ZBTB48: variants seen among roughly 807,000 people sequenced by gnomAD.
ZBTB48 encodes the protein zinc finger and BTB domain-containing protein 48.
Under a neutral mutation model 64.5 loss-of-function variants are expected in ZBTB48, and 35 were observed. That is an observed-to-expected ratio of 0.54 (90% CI 0.41 to 0.72). The LOEUF is 0.72. Ranked by LOEUF, ZBTB48 falls within the 30% of genes least tolerant of loss-of-function variation. ZBTB48 has a pLI of 0.00. For missense variants in ZBTB48, 828 were observed against 895.3 expected (o/e 0.92, Z 0.96); for synonymous variants, 442 against 356.7 (o/e 1.24, Z -2.70).
intron 5 of ZBTB48, 136 bp downstream of exon 5, chr1:6,586,923 C>T (rs1640692873): frequency 1.2e-6 from 1 of 828,162 alleles, no homozygotes; most frequent in Non-Finnish European, 1.9e-6. Flanking sequence ...CCTTCCCTGC[C>T]TTTCCAGTGC....
rs1320681524 is a variant in ZBTB48, at chr1:6,589,078, T to C, written c.1933T>C (p.Ser645Pro). 2 of 1,607,236 alleles carry C rather than the reference T, an allele frequency of 1.2e-6. No individual in the cohort carries two copies. Among genetic ancestry groups the C allele is most frequent in the East Asian group, 2.2e-5 (1 of 44,832 alleles). Residue 645 changes from serine (S) to proline (P), a missense_variant, in exon 11 of 11, where the codon TCC becomes CCC. By Grantham distance (74) the Ser-to-Pro change is moderately conservative. Transcript: ENST00000377674. The part of the protein sequence containing the change: ...EVGSAEVIVE[S>P]LAQGGLASQL... Reference sequence around the variant, plus strand: ...GGGCTCGGCGGAGGTCATTGTGGAGTCCCTGGCCCAGGGCGGCCTGGCCTC... The same window carrying C: ...GGGCTCGGCGGAGGTCATTGTGGAGCCCCTGGCCCAGGGCGGCCTGGCCTC...
At chr1:6,588,564 T>C in intron 9 of ZBTB48, 122 bp downstream of exon 9, 1 of 1,445,866 alleles carries the variant, frequency 6.9e-7, no homozygotes, top group East Asian at 2.5e-5. Flanking sequence ...GAGTTGAGAG[T>C]GGACCTGCTT....
chr1:6,581,028 G>T lies in ZBTB48; in HGVS notation c.419G>T (p.Ser140Ile), dbSNP rs1255984058. ...LGPPASQNVN[S>I]HVKEPAGLEE... ...CCCCCTGCCTCCCAGAATGTGAACAGCCACGTCAAGGAGCCGGCAGGCTTG... is the reference window on the plus strand; with the variant it reads ...CCCCCTGCCTCCCAGAATGTGAACATCCACGTCAAGGAGCCGGCAGGCTTG... Residue 140 changes from serine (S) to isoleucine (I), a missense_variant, in exon 2 of 11, where the codon AGC (serine) becomes ATC (isoleucine). By Grantham distance (142) the Ser-to-Ile change is moderately radical (BLOSUM62 -2). Coordinates refer to ENST00000377674, the MANE Select transcript of ZBTB48 (RefSeq NM_005341.4). 12 of 1,613,300 alleles carry T rather than the reference G, an allele frequency of 7.4e-6. No individual in the cohort carries two copies. Among genetic ancestry groups the T allele is most frequent in the African/African-American group, 4.0e-5 (3 of 74,930 alleles).
chr1:6,588,527 G>A, intron 9 of ZBTB48, 85 bp downstream of exon 9: 1 of 1,451,606 alleles, frequency 6.9e-7, no homozygotes, highest in Non-Finnish European at 9.1e-7. Context: ...TCTTGCCTGT[G>A]AACCTCTTTT....
chr1:6,584,591 G>A lies in ZBTB48; in HGVS notation c.933-1328G>A, dbSNP rs1427886304. ...ACCGTGTTCAGGGCAGCTGCTGCCAGTGGAATGCTGGGATAACCCCAGTGT... is the reference window on the plus strand; with the variant it reads ...ACCGTGTTCAGGGCAGCTGCTGCCAATGGAATGCTGGGATAACCCCAGTGT... On this transcript the variant is annotated intron_variant, in intron 3 of 10. Coordinates refer to ENST00000377674, the MANE Select transcript of ZBTB48 (RefSeq NM_005341.4). The surrounding 1 kb of genome is among the most constrained non-coding windows in gnomAD (Gnocchi z 4.5). Among the ~76,000 whole-genome samples the A allele has an allele frequency of 6.6e-6, 1 of 152,276 alleles. No homozygotes were observed. The highest frequency in any genetic ancestry group is 1.5e-5 in the Non-Finnish European group (1 of 68,044).
At chr1:6,586,580 C>G in intron 4 of ZBTB48, 115 bp from the exon 5 acceptor site, 9 of 1,169,536 alleles carry the variant, frequency 7.7e-6, no homozygotes, top group Admixed American at 3.3e-5. Flanking sequence ...ACCCTAGCGT[C>G]CCCACCCTCC....
rs1027250905 is a variant in ZBTB48 at position 6,580,369 on chromosome 1, C to A, written c.-69-172C>A. Among the ~76,000 whole-genome samples the A allele has an allele frequency of 6.8e-6, 1 of 146,580 alleles. No homozygotes were observed. Among genetic ancestry groups the A allele is most frequent in the East Asian group, 1.9e-4 (1 of 5,184 alleles). On this transcript the variant is annotated intron_variant, in intron 1 of 10. Transcript: ENST00000377674. The surrounding 1 kb of genome is among the most constrained non-coding windows in gnomAD (Gnocchi z 5.2). ...ACCAGGCCCTTCTTCACGACCCTGG[C>A]CCCCCATCCAGCATCCCCCCTGGCC... is the stretch of plus-strand genomic sequence containing the variant.
At chr1:6,585,407 A>G (rs1327962646) in intron 3 of ZBTB48, 5 of 159,236 alleles carry the variant, frequency 3.1e-5, no homozygotes, top group Non-Finnish European at 7.0e-5. Context: ...GGGATACGTG[A>G]GCCAAGAGGT....
chr1:6,585,598 C>T, intron 3 of ZBTB48: 1 of 297,924 alleles, frequency 3.4e-6, no homozygotes, highest in Non-Finnish European at 6.6e-6. Context: ...TCTGGGAAGA[C>T]TGAGTTGCTT....
At position 6,588,200 on chromosome 1, in the gene ZBTB48, A is replaced by G. The variant is rs767034327; in HGVS notation, c.1516+4A>G. 3 of 1,613,938 alleles carry G rather than the reference A, an allele frequency of 1.9e-6. No individual in the cohort carries two copies. The highest frequency in any genetic ancestry group is 2.5e-6 in the Non-Finnish European group (3 of 1,179,996). The stretch of plus-strand genomic sequence containing the variant: ...GGCAAGACCTTCCGAACCCAAGGTG[A>G]GGTACGCCCTGCCCCTCCCCTCGCC... On this transcript the variant is annotated splice_donor_region_variant and intron_variant, in intron 8 of 10. Transcript: ENST00000377674.
intron 3 of ZBTB48, among the ~76,000 whole-genome samples, chr1:6,582,645 T>C (rs187131761): frequency 3.3e-5 from 5 of 152,274 alleles, no homozygotes; most frequent in African/African-American, 9.6e-5. Context: ...TAGGTGTTTC[T>C]GAAGCCTGGC....
chr1:6,581,386 G>A, intron 2 of ZBTB48, 87 bp downstream of exon 2: 3 of 1,380,938 alleles, frequency 2.2e-6, no homozygotes, highest in Non-Finnish European at 2.9e-6. Context: ...GGCTGGGTGT[G>A]ATGGCTCACT....
At chr1:6,588,494 T>C in intron 9 of ZBTB48, 52 bp downstream of exon 9, 1 of 1,463,556 alleles carries the variant, frequency 6.8e-7, no homozygotes, top group East Asian at 2.5e-5. Context: ...AGTTGGAGGG[T>C]CTCTGAGGAG....
At chr1:6,581,400 G>A (rs550348096) in intron 2 of ZBTB48, 101 bp downstream of exon 2, 52 of 1,310,566 alleles carry the variant, frequency 4.0e-5, no homozygotes, top group Admixed American at 1.1e-4. Context: ...GCTCACTCAC[G>A]CCTGTAATCC....
At chr1:6,583,370 G>A (rs565309552) in intron 3 of ZBTB48, among the ~76,000 whole-genome samples, 10 of 148,214 alleles carry the variant, frequency 6.7e-5, no homozygotes, top group South Asian at 4.3e-4. Context: ...GCATGAGATC[G>A]GCTCACTGCA....
At position 6,580,481 on chromosome 1, in the gene ZBTB48, G is replaced by A. The variant is rs1640401200; in HGVS notation, c.-69-60G>A. ...CCCTCACCCTGACCCAAGCCCTCGT[G>A]CTGATAAATATGATTATTTGAGTAG... is the stretch of plus-strand genomic sequence containing the variant. On this transcript the variant is annotated intron_variant, in intron 1 of 10. Coordinates refer to ENST00000377674, the MANE Select transcript of ZBTB48 (RefSeq NM_005341.4). This position sits in a 1 kb window ranked among gnomAD's most constrained non-coding sequence, Gnocchi z 5.2. 1 of 978,000 alleles carries A rather than the reference G, an allele frequency of 1.0e-6. No homozygotes were observed. The highest frequency in any genetic ancestry group is 1.5e-6 in the Non-Finnish European group (1 of 670,460). 60.6% of individuals were successfully genotyped at this position (978,000 alleles called of 1,614,324 possible).
Position 6,588,938 on chromosome 1 carries a change from A to G in ZBTB48, c.1793A>G (p.Glu598Gly), listed in dbSNP as rs764439217. The change falls in exon 11 of 11, where the codon GAG (glutamate) becomes GGG (glycine). Residue 598 changes from glutamate (E) to glycine (G), a missense_variant. Physicochemically the swap from Glu to Gly is moderately conservative, Grantham distance 98. Transcript: ENST00000377674. ...CAGGCCCACCTGCGGAGGCACATGG[A>G]GATCCACGACCGGGTAGAGAACTAC... is the stretch of plus-strand genomic sequence containing the variant. ...TRQAHLRRHM[E>G]IHDRVENYNP... is the part of the protein sequence containing the mutation. 1 of 1,612,056 alleles carries G rather than the reference A, an allele frequency of 6.2e-7. No homozygotes were observed. Among genetic ancestry groups the G allele is most frequent in the Non-Finnish European group, 8.5e-7 (1 of 1,178,816 alleles).
chr1:6,586,974 C>A, intron 5 of ZBTB48, 187 bp downstream of exon 5: 1 of 881,318 alleles, frequency 1.1e-6, no homozygotes. Flanking sequence ...GCCTCACCTC[C>A]AAGGTCCTTA....
intron 2 of ZBTB48, among the ~76,000 whole-genome samples, chr1:6,581,804 A>T (rs1640479085): frequency 6.6e-6 from 1 of 152,130 alleles, no homozygotes; most frequent in Non-Finnish European, 1.5e-5. Context: ...CCTTCCTGAG[A>T]GGAGTGGGCA....
Sources: gnomAD v4.1 joint callset for allele counts (sites outside exome capture counted in the v4.1 genomes callset) on GRCh38, gnomAD v4.1.1 for gene constraint, Gnocchi (gnomAD v3.1) non-coding constraint, MANE v1.5 for transcripts, NCBI Gene and HGNC (gene_info 2026-07-23, HGNC 2026-07-21) for gene names.